The following POLR1E variants were observed in gnomAD, a reference collection of about 807,000 sequenced individuals.
POLR1E encodes DNA-directed RNA polymerase I subunit RPA49.
A neutral mutation model predicts 50.9 loss-of-function variants in POLR1E; 37 were observed. The observed-to-expected ratio is 0.73, with a 90% confidence interval of 0.56 to 0.96. The LOEUF (loss-of-function observed/expected upper bound fraction) is 0.96. Ranked by LOEUF, POLR1E falls within the 40% of genes least tolerant of loss-of-function variation. The pLI, the probability that POLR1E is intolerant of heterozygous loss-of-function variation, is 0.00. For synonymous variants in POLR1E, 166 were observed against 191.6 expected (o/e 0.87, Z 1.10); for missense variants, 426 against 518.1 (o/e 0.82, Z 1.73).
chr9:37,501,896 T>C, intron 11 of POLR1E, 52 bp downstream of exon 11: 1 of 1,566,352 alleles, frequency 6.4e-7, no homozygotes, highest in East Asian at 2.3e-5. Context: ...ATGTCTTATT[T>C]CTGGTACCAC....
chr9:37,490,818 G>A, intron 4 of POLR1E: 1 of 596,056 alleles, frequency 1.7e-6, no homozygotes, highest in East Asian at 4.1e-5. Flanking sequence ...GTGGCCAAAG[G>A]AACAACTCCA....
chr9:37,490,417 C>A, intron 4 of POLR1E: 1 of 758,568 alleles, frequency 1.3e-6, no homozygotes. Context: ...TTTTTAAACA[C>A]CTGTCACGCC....
rs2296777 is a variant in POLR1E, at chr9:37,501,847, G to A, written c.1100+3G>A. On this transcript the variant is annotated splice_donor_region_variant and intron_variant, in intron 11 of 11. Coordinates refer to ENST00000377798, the MANE Select transcript of POLR1E (RefSeq NM_022490.4). ...GACTTGAAGCTCAGTGAGAAAAGGT[G>A]AGCACAACAGAATAAAGAGCTCCCT... 0.17 allele frequency: 270,962 copies of A among 1,611,496 alleles called. 24,769 individuals are homozygous for A. Among genetic ancestry groups the A allele is most frequent in the Admixed American group, 0.29 (17,034 of 59,620 alleles).
chr9:37,493,837 T>C (rs1820739019), intron 6 of POLR1E, 134 bp downstream of exon 6: 7 of 915,298 alleles, frequency 7.6e-6, no homozygotes, highest in Non-Finnish European at 1.1e-5. Flanking sequence ...CTGAAGGCCT[T>C]CTCACGGACA....
chr9:37,493,871 TC>T (rs527276006), intron 6 of POLR1E, among the ~76,000 whole-genome samples, 168 bp downstream of exon 6: 68 of 152,260 alleles, frequency 4.5e-4, no homozygotes, highest in South Asian at 8.3e-4. Context: ...GTAAGAAACA[TC>T]CGACATGGCT....
Position 37,493,565 on chromosome 9 carries a change from TCTTGTATTGAAGC to T in POLR1E, c.413_425del (p.Cys138LeufsTer10). The T allele has an allele frequency of 6.3e-7, 1 of 1,599,704 alleles. No homozygotes were observed. The highest frequency in any genetic ancestry group is 8.5e-7 in the Non-Finnish European group (1 of 1,171,886). On this transcript the variant is annotated frameshift_variant, in exon 6 of 12. Transcript: ENST00000377798. LOFTEE classifies it high-confidence loss of function. ...AGGTTTATCTCATAAACAGATGGATTCTTGTATTGAAGCCTTTGGTACCACCAAACAGAAGCGA... is the reference window on the plus strand; with the variant it reads ...AGGTTTATCTCATAAACAGATGGATTCTTTGGTACCACCAAACAGAAGCGA...
intron 4 of POLR1E, among the ~76,000 whole-genome samples, chr9:37,489,707 G>A (rs1288463335): frequency 2.0e-5 from 3 of 151,998 alleles, no homozygotes; most frequent in African/African-American, 7.3e-5. Context: ...CCGAGTAGCT[G>A]GGATTACAGG....
In POLR1E at chr9:37,498,206, A is replaced by G. The variant is rs775056104; in HGVS notation, c.868A>G (p.Arg290Gly). Residue 290 changes from arginine (R) to glycine (G), a missense_variant, in exon 9 of 12, where the codon AGG becomes GGG. Physicochemically the swap from Arg to Gly is moderately radical, Grantham distance 125 (BLOSUM62 -2). Transcript: ENST00000377798. The part of the protein sequence containing the change: ...LDTLIKFRAH[R>G]VVKRKSALGP... ...TACCCTCATCAAATTTCGAGCTCAT[A>G]GGGTAGTTAAGCGGAAAAGTAAGTC... 1 of 1,613,452 alleles carries G rather than the reference A, an allele frequency of 6.2e-7. No homozygotes were observed. The highest frequency in any genetic ancestry group is 1.1e-5 in the South Asian group (1 of 90,920).
intron 4 of POLR1E, among the ~76,000 whole-genome samples, chr9:37,491,148 T>G (rs552541529): frequency 3.9e-4 from 59 of 152,240 alleles, no homozygotes; most frequent in African/African-American, 1.4e-3. Context: ...AGGGCTAGAG[T>G]GAGATCTTCC....
intron 1 of POLR1E, 166 bp downstream of exon 1, chr9:37,486,289 C>T: frequency 7.8e-7 from 1 of 1,276,230 alleles, no homozygotes; most frequent in Non-Finnish European, 1.1e-6. Flanking sequence ...GTCCGTCTTT[C>T]TGTCACTACC....
rs747570458 is a variant in POLR1E at position 37,498,118 on chromosome 9, G to C, written c.780G>C (p.Leu260Phe). 6.2e-7 allele frequency: 1 copy of C among 1,614,060 alleles called. No homozygotes were observed. The highest frequency in any genetic ancestry group is 8.5e-7 in the Non-Finnish European group (1 of 1,179,974). ...NSHCTFVIEA[L>F]KSLPSDVESR... The stretch of plus-strand genomic sequence containing the variant: ...ATTGCACCTTTGTCATAGAAGCGTT[G>C]AAGTCTTTGCCATCAGATGTGGAGA... Residue 260 changes from leucine to phenylalanine, a missense_variant, in exon 9 of 12, where the codon TTG becomes TTC. Transcript: ENST00000377798.
chr9:37,489,802 G>C (rs919935811), intron 4 of POLR1E, among the ~76,000 whole-genome samples: 1 of 152,160 alleles, frequency 6.6e-6, no homozygotes, highest in Non-Finnish European at 1.5e-5. Flanking sequence ...TCAAACTCTT[G>C]ACCTCAGGTG....
chr9:37,492,609 G>C, intron 4 of POLR1E, 48 bp from the exon 5 acceptor site: 2 of 1,515,902 alleles, frequency 1.3e-6, no homozygotes, highest in African/African-American at 1.4e-5. Context: ...CTATTTGTAG[G>C]CCTCCCAATT....
Position 37,503,218 on chromosome 9 carries a change from A to T in POLR1E, c.*16A>T. The T allele has an allele frequency of 6.3e-7, 1 of 1,586,744 alleles. No individual in the cohort carries two copies. Among genetic ancestry groups the T allele is most frequent in the Non-Finnish European group, 8.6e-7 (1 of 1,167,744 alleles). On this transcript the variant is annotated 3_prime_UTR_variant, in exon 12 of 12. Coordinates refer to ENST00000377798, the MANE Select transcript of POLR1E (RefSeq NM_022490.4). ...GATTACCTAGACGCATGCTTTCCAG[A>T]CAGGGCGTTTTGGCTGCATCACAGC...
chr9:37,486,462 A>T (rs1313274107), intron 1 of POLR1E: 2 of 1,550,422 alleles, frequency 1.3e-6, no homozygotes, highest in East Asian at 2.4e-5. Flanking sequence ...CTCTGCTGTC[A>T]GCCTCCTTCC....
chr9:37,496,339 A>G (rs1820784825), intron 8 of POLR1E, among the ~76,000 whole-genome samples: 1 of 152,130 alleles, frequency 6.6e-6, no homozygotes, highest in African/African-American at 2.4e-5. Context: ...GGCCAAAGTG[A>G]TGGTTTCTCT....
At chr9:37,500,320 G>A (rs1206740238) in intron 9 of POLR1E, among the ~76,000 whole-genome samples, 2 of 151,744 alleles carry the variant, frequency 1.3e-5, no homozygotes, top group Non-Finnish European at 2.9e-5. Context: ...AAGTAGCTGG[G>A]ATTAGAGGTT....
intron 2 of POLR1E, among the ~76,000 whole-genome samples, chr9:37,487,282 C>A (rs1191173891): frequency 6.6e-6 from 1 of 152,148 alleles, no homozygotes; most frequent in Non-Finnish European, 1.5e-5. Flanking sequence ...TCTGAGGCCA[C>A]GTGGGGAAGA....
chr9:37,500,577 C>T (rs1820868224), intron 9 of POLR1E, among the ~76,000 whole-genome samples: 1 of 152,230 alleles, frequency 6.6e-6, no homozygotes, highest in Non-Finnish European at 1.5e-5. Flanking sequence ...CATGTTAACT[C>T]TGGGTCCTTA....
Sources: gnomAD v4.1 joint callset for allele counts (sites outside exome capture counted in the v4.1 genomes callset) on GRCh38, gnomAD v4.1.1 for gene constraint, MANE v1.5 for transcripts, NCBI Gene and HGNC (gene_info 2026-07-23, HGNC 2026-07-21) for gene names.